The following ACOT7 variants were observed in gnomAD, a reference collection of about 807,000 sequenced individuals.
ACOT7 encodes cytosolic acyl coenzyme A thioester hydrolase.
ACOT7 carries 12 observed loss-of-function variants against 40.2 expected under a neutral mutation model. That is an observed-to-expected ratio of 0.30 (90% confidence interval 0.19 to 0.48). The LOEUF (loss-of-function observed/expected upper bound fraction) is 0.48, where lower values mean the gene tolerates loss of function less well. ACOT7 is among the 20% of genes least tolerant of loss of function. The pLI, the probability that ACOT7 is intolerant of heterozygous loss-of-function variation, is 0.99. For missense variants in ACOT7, 395 were observed against 530.8 expected (o/e 0.74, Z 2.51); for synonymous variants, 228 against 219.5 (o/e 1.04, Z -0.34).
chr1:6,351,755 C>T (rs1641597332), intron 1 of ACOT7, among the ~76,000 whole-genome samples: 1 of 152,230 alleles, frequency 6.6e-6, no homozygotes, highest in Admixed American at 6.5e-5. Flanking sequence ...TGAAGTGGAG[C>T]CACACACAGC....
intron 3 of ACOT7, among the ~76,000 whole-genome samples, chr1:6,335,187 C>T (rs563758287): frequency 1.3e-5 from 2 of 152,028 alleles, no homozygotes; most frequent in East Asian, 1.9e-4. Flanking sequence ...AAAAATTAGC[C>T]GGGCGTGGTG....
In ACOT7 at chr1:6,359,052, C is replaced by T. The variant is rs557234970; in HGVS notation, c.144-9186G>A. On this transcript the variant is annotated intron_variant, in intron 1 of 8. Coordinates refer to ENST00000361521, the MANE Select transcript of ACOT7 (RefSeq NM_007274.4). The surrounding 1 kb of genome is among the most constrained non-coding windows in gnomAD (Gnocchi z 4.1). ...TCCAGAGCGTCTACCAGAAACCGGT[C>T]GTCATGGAAACCTTGCTTTATAAAT... The T allele has an allele frequency of 7.6e-6, 5 of 660,506 alleles. No individual in the cohort carries two copies. The highest frequency in any genetic ancestry group is 3.6e-5 in the Admixed American group (1 of 28,008). 40.9% of individuals were successfully genotyped at this position (660,506 alleles called of 1,614,324 possible). A position where few individuals can be genotyped will look rare whatever the true frequency, so the allele number is the denominator to read the frequency against.
intron 4 of ACOT7, among the ~76,000 whole-genome samples, chr1:6,331,326 C>T (rs1258626305): frequency 1.3e-5 from 2 of 152,210 alleles, no homozygotes; most frequent in Non-Finnish European, 2.9e-5. Flanking sequence ...GGGCCCTGAG[C>T]CCAGTGACCC....
chr1:6,318,527 G>A lies in ACOT7; in HGVS notation c.677C>T (p.Pro226Leu), dbSNP rs758025592. Reference sequence around the variant, plus strand: ...AAAGCCGTGCAGGGTGCAGTCTGAAGGCCCCACCAGGTGGATCAAGCTGGA... The same window carrying A: ...AAAGCCGTGCAGGGTGCAGTCTGAAAGCCCCACCAGGTGGATCAAGCTGGA... Reference protein sequence around the residue: ...SQSSLIHLVGPSDCTLHGFVH... With the variant: ...SQSSLIHLVGLSDCTLHGFVH... The change falls in exon 6 of 9, where the codon CCT (proline) becomes CTT (leucine). Residue 226 changes from proline (P) to leucine (L), a missense_variant. Around this residue, in one of 2 missense-constraint regions of ACOT7, gnomAD observed 309 missense variants for 470.3 expected, o/e 0.66. Coordinates refer to ENST00000361521, the MANE Select transcript of ACOT7 (RefSeq NM_007274.4). 6.2e-7 allele frequency: 1 copy of A among 1,614,198 alleles called. No individual in the cohort carries two copies. Among genetic ancestry groups the A allele is most frequent in the Non-Finnish European group, 8.5e-7 (1 of 1,180,024 alleles).
rs1186851928 is a variant in ACOT7 at position 6,330,342 on chromosome 1, C to G, written c.511-2929G>C. The stretch of plus-strand genomic sequence containing the variant: ...CTGGGATTCCTAAGCAGGCCTCTGG[C>G]CGGGCCCACCAGTGAAAAACAGGAG... On this transcript the variant is annotated intron_variant, in intron 4 of 8. Coordinates refer to ENST00000361521, the MANE Select transcript of ACOT7 (RefSeq NM_007274.4). The surrounding 1 kb of genome is among the most constrained non-coding windows in gnomAD (Gnocchi z 4.6). Among the ~76,000 whole-genome samples, 1 of 152,074 alleles carries G rather than the reference C, an allele frequency of 6.6e-6. No homozygotes were observed. Among genetic ancestry groups the G allele is most frequent in the Non-Finnish European group, 1.5e-5 (1 of 68,004 alleles).
At chr1:6,292,334 C>G (rs952701800) in intron 7 of ACOT7, among the ~76,000 whole-genome samples, 1 of 152,220 alleles carries the variant, frequency 6.6e-6, no homozygotes. Flanking sequence ...CTTGGGACAG[C>G]GGGAATCAGG....
intron 8 of ACOT7, among the ~76,000 whole-genome samples, chr1:6,276,998 C>CCG (rs1161173908): frequency 6.6e-6 from 1 of 152,082 alleles, no homozygotes; most frequent in Non-Finnish European, 1.5e-5. Context: ...CCACCCCCCC[C>CCG]CAGGGTATGG....
chr1:6,322,781 T>C (rs1280741358), intron 5 of ACOT7, among the ~76,000 whole-genome samples: 1 of 152,212 alleles, frequency 6.6e-6, no homozygotes, highest in Admixed American at 6.5e-5. Flanking sequence ...CCTCAACATA[T>C]GATTTGTGGT....
intron 1 of ACOT7, among the ~76,000 whole-genome samples, chr1:6,392,485 G>A (rs1642548134): frequency 6.6e-6 from 1 of 152,166 alleles, no homozygotes; most frequent in African/African-American, 2.4e-5. Flanking sequence ...GCTTGTTCAT[G>A]ATCTCCAGCC....
chr1:6,327,190 A>G, intron 5 of ACOT7, 109 bp downstream of exon 5: 2 of 1,115,800 alleles, frequency 1.8e-6, no homozygotes, highest in Admixed American at 2.1e-5. Flanking sequence ...GAGCATGCTC[A>G]GCACCTGGGG....
chr1:6,323,731 AAAAAAAATATATAT>A (rs1346602358), intron 5 of ACOT7, among the ~76,000 whole-genome samples: 638 of 89,920 alleles, frequency 7.1e-3, no homozygotes, highest in Non-Finnish European at 9.6e-3. Flanking sequence ...AAAAAAAAAA[AAAAAAAATATATAT>A]ATATATATAT....
intron 6 of ACOT7, among the ~76,000 whole-genome samples, chr1:6,317,109 T>A (rs1237117687): frequency 1.3e-5 from 2 of 152,202 alleles, no homozygotes; most frequent in African/African-American, 4.8e-5. Flanking sequence ...AAGTGCCTGT[T>A]ATGCCTGGGA....
intron 8 of ACOT7, among the ~76,000 whole-genome samples, chr1:6,270,231 G>A (rs781716234): frequency 3.7e-4 from 56 of 152,366 alleles, no homozygotes; most frequent in Middle Eastern, 6.8e-3. Context: ...CTGCCTCCTC[G>A]CAGCCATCTC....
chr1:6,371,657 T>C (rs1472683418), intron 1 of ACOT7, among the ~76,000 whole-genome samples: 3 of 151,784 alleles, frequency 2.0e-5, no homozygotes, highest in African/African-American at 4.8e-5. Context: ...TCACCAGACC[T>C]AGCCTGTCCT....
chr1:6,335,454 C>T (rs1221259964), intron 3 of ACOT7, among the ~76,000 whole-genome samples: 1 of 152,046 alleles, frequency 6.6e-6, no homozygotes, highest in East Asian at 1.9e-4. Context: ...GATTGCACCA[C>T]TGCACTCCAG....
chr1:6,343,303 G>C (rs540323518), intron 2 of ACOT7, among the ~76,000 whole-genome samples: 41 of 152,340 alleles, frequency 2.7e-4, no homozygotes, highest in African/African-American at 9.6e-4. Context: ...CACTGAGGTG[G>C]GGTTAACATG....
chr1:6,300,653 C>G (rs1639944735), intron 6 of ACOT7, among the ~76,000 whole-genome samples: 1 of 149,376 alleles, frequency 6.7e-6, no homozygotes, highest in African/African-American at 2.5e-5. Flanking sequence ...TCCACAAACA[C>G]AGAATCTCAC....
intron 6 of ACOT7, 172 bp from the exon 7 acceptor site, chr1:6,295,152 T>C (rs1397851776): frequency 4.6e-6 from 2 of 439,184 alleles, no homozygotes; most frequent in Admixed American, 3.8e-5. Flanking sequence ...ACGCGCTACA[T>C]GGGGCTTCCT....
intron 1 of ACOT7, among the ~76,000 whole-genome samples, chr1:6,362,187 T>A (rs1439038483): frequency 6.6e-6 from 1 of 152,170 alleles, no homozygotes; most frequent in Non-Finnish European, 1.5e-5. Flanking sequence ...TCCCAGCACT[T>A]TGGGAGGCCA....
Sources: allele counts gnomAD v4.1 joint callset (sites outside exome capture counted in the v4.1 genomes callset), GRCh38; gene constraint gnomAD v4.1.1; regional missense constraint gnomAD v4.1.1; non-coding constraint Gnocchi (gnomAD v3.1); transcripts MANE v1.5; gene names NCBI Gene and HGNC (gene_info 2026-07-23, HGNC 2026-07-21).